PRICKLE2: variants seen among roughly 807,000 people sequenced by gnomAD.
The protein encoded by PRICKLE2 is prickle-like protein 2.
Under a neutral mutation model 81.4 loss-of-function variants are expected in PRICKLE2, and 21 were observed. That is an observed-to-expected ratio of 0.26 (90% CI 0.18 to 0.37). PRICKLE2 has a LOEUF of 0.37. Ranked by LOEUF, PRICKLE2 falls within the 10% of genes least tolerant of loss-of-function variation. The probability of loss-of-function intolerance (pLI) is 1.00; values close to 1 mark genes in which losing one functional copy is unlikely to be tolerated. For missense variants in PRICKLE2, 940 were observed against 1,109.0 expected (o/e 0.85, Z 2.16); for synonymous variants, 456 against 421.5 (o/e 1.08, Z -1.00).
At chr3:64,234,350 T>C (rs906286668) in intron 2 of PRICKLE2, among the ~76,000 whole-genome samples, 2 of 152,194 alleles carry the variant, frequency 1.3e-5, no homozygotes, top group African/African-American at 4.8e-5. Flanking sequence ...ATTATAGTCA[T>C]CCTAGTGGGT....
At chr3:64,249,124 T>C (rs138865326) in intron 2 of PRICKLE2, among the ~76,000 whole-genome samples, 2,330 of 152,296 alleles carry the variant, frequency 0.015, 46 homozygotes, top group African/African-American at 0.052. Context: ...AGAGGTTTAA[T>C]TGGCTCTTGG....
chr3:64,110,526 T>C (rs1559513434), intron 7 of PRICKLE2, among the ~76,000 whole-genome samples: 1 of 151,986 alleles, frequency 6.6e-6, no homozygotes, highest in African/African-American at 2.4e-5. Context: ...TAATAATCAC[T>C]AGGAAGGAAA....
chr3:64,243,902 T>C (rs1429326144), intron 2 of PRICKLE2, among the ~76,000 whole-genome samples: 2 of 152,164 alleles, frequency 1.3e-5, no homozygotes, highest in East Asian at 1.9e-4. Context: ...TTTACCCCAA[T>C]AAAATGGTAT....
intron 7 of PRICKLE2, among the ~76,000 whole-genome samples, chr3:64,108,777 G>A (rs1450944614): frequency 1.3e-5 from 2 of 152,058 alleles, no homozygotes; most frequent in Non-Finnish European, 2.9e-5. Flanking sequence ...TCTACTCCAG[G>A]AAACAAGACC....
intron 1 of PRICKLE2, among the ~76,000 whole-genome samples, chr3:64,203,202 T>G (rs1327608896): frequency 6.6e-6 from 1 of 152,134 alleles, no homozygotes; most frequent in Non-Finnish European, 1.5e-5. Context: ...TGGATCTCGT[T>G]TGCATCTCCA....
At chr3:64,217,658 T>C (rs1165574026) in intron 1 of PRICKLE2, among the ~76,000 whole-genome samples, 1 of 152,128 alleles carries the variant, frequency 6.6e-6, no homozygotes, top group African/African-American at 2.4e-5. Flanking sequence ...GTAAATCTCC[T>C]GGGCCAACTG....
chr3:64,250,571 T>C (rs2079432224), intron 2 of PRICKLE2, among the ~76,000 whole-genome samples: 1 of 152,140 alleles, frequency 6.6e-6, no homozygotes, highest in Non-Finnish European at 1.5e-5. Context: ...TCAGTAGGTG[T>C]TTTTGGTGGA....
chr3:64,208,997 C>T (rs1448093663), intron 1 of PRICKLE2, among the ~76,000 whole-genome samples: 1 of 152,046 alleles, frequency 6.6e-6, no homozygotes, highest in Non-Finnish European at 1.5e-5. Context: ...TCTATCTATT[C>T]ATTCATATCC....
At chr3:64,191,124 T>C (rs1054533778) in intron 2 of PRICKLE2, among the ~76,000 whole-genome samples, 1 of 152,162 alleles carries the variant, frequency 6.6e-6, no homozygotes, top group Non-Finnish European at 1.5e-5. Context: ...GGTTCCCATA[T>C]TGGCAGAATT....
In PRICKLE2 at chr3:64,244,777, C is replaced by T. The variant is rs142017940; in HGVS notation, c.129-45810G>A. On this transcript the variant is annotated intron_variant, in intron 2 of 8. Coordinates refer to the PRICKLE2 transcript ENST00000295902. ...ACCAACATATAGCAGAAATATAGCACGGTAATTGGGTCAAGTGGCTCATGG... is the reference window on the plus strand; with the variant it reads ...ACCAACATATAGCAGAAATATAGCATGGTAATTGGGTCAAGTGGCTCATGG... 1.8e-3 allele frequency among the ~76,000 whole-genome samples: 279 copies of T among 152,140 alleles called. 1 individual carries two copies. Among genetic ancestry groups the T allele is most frequent in the African/African-American group, 6.3e-3 (261 of 41,516 alleles).
At chr3:64,150,889 C>T (rs929745180) in intron 6 of PRICKLE2, among the ~76,000 whole-genome samples, 12 of 152,198 alleles carry the variant, frequency 7.9e-5, no homozygotes, top group Non-Finnish European at 1.3e-4. Flanking sequence ...CGATAAACAT[C>T]GATGTCAGAT....
intron 7 of PRICKLE2, among the ~76,000 whole-genome samples, chr3:64,127,340 GTCCACGGTCAC>G (rs1359503415): frequency 6.6e-6 from 1 of 152,060 alleles, no homozygotes; most frequent in Non-Finnish European, 1.5e-5. Flanking sequence ...TACCACCTTT[GTCCACGGTCAC>G]TCTCCCTCCT....
intron 7 of PRICKLE2, among the ~76,000 whole-genome samples, chr3:64,132,076 T>A (rs1226501118): frequency 6.6e-6 from 1 of 152,240 alleles, no homozygotes; most frequent in African/African-American, 2.4e-5. Flanking sequence ...GATAACCTTC[T>A]TCCTTGCCAA....
chr3:64,098,089 C>T lies in PRICKLE2; in HGVS notation c.*962G>A, dbSNP rs190325750. Reference sequence around the variant, plus strand: ...AATCCAGGAAACATGAGCACCAGAACATAATGCCACATTCAAAACAACGTC... The same window carrying T: ...AATCCAGGAAACATGAGCACCAGAATATAATGCCACATTCAAAACAACGTC... On this transcript the variant is annotated 3_prime_UTR_variant, in exon 8 of 8. Coordinates refer to ENST00000638394, the MANE Select transcript of PRICKLE2 (RefSeq NM_198859.4). The T allele has an allele frequency of 2.0e-5, 3 of 152,804 alleles. No individual in the cohort carries two copies. The highest frequency in any genetic ancestry group is 2.9e-5 in the Non-Finnish European group (2 of 68,054). The allele number at this position is 152,804 out of a possible 1,614,324, so 9.5% of individuals were successfully genotyped here.
intron 2 of PRICKLE2, among the ~76,000 whole-genome samples, chr3:64,240,452 G>C (rs1014799322): frequency 6.6e-6 from 1 of 152,184 alleles, no homozygotes; most frequent in Non-Finnish European, 1.5e-5. Context: ...TGGAGCCCAA[G>C]GGATACTCTT....
chr3:64,147,803 G>T lies in PRICKLE2; in HGVS notation c.788-101C>A. ...CTTGGTTTGTCTCAGGATTCCAGGT[G>T]CGGCAGGATAAACTGTCAATAAATC... On this transcript the variant is annotated intron_variant, in intron 6 of 7. Coordinates refer to ENST00000638394, the MANE Select transcript of PRICKLE2 (RefSeq NM_198859.4). The surrounding 1 kb of genome is among the most constrained non-coding windows in gnomAD (Gnocchi z 5.0). The T allele has an allele frequency of 1.6e-6, 2 of 1,274,850 alleles. No individual in the cohort carries two copies. The highest frequency in any genetic ancestry group is 1.1e-6 in the Non-Finnish European group (1 of 879,262). 79.0% of individuals were successfully genotyped at this position (1,274,850 alleles called of 1,614,324 possible).
At chr3:64,233,809 C>T (rs2079140774) in intron 2 of PRICKLE2, among the ~76,000 whole-genome samples, 2 of 152,168 alleles carry the variant, frequency 1.3e-5, no homozygotes, top group Non-Finnish European at 2.9e-5. Flanking sequence ...AAAAGAAACC[C>T]TCTAGTAAGC....
rs138245052 is a variant in PRICKLE2, at chr3:64,140,810, C to T, written c.1660+6020G>A. Among the ~76,000 whole-genome samples, 14 of 152,246 alleles carry T rather than the reference C, an allele frequency of 9.2e-5. No individual in the cohort carries two copies. In the East Asian group the frequency reaches 1.5e-3, roughly 17 times the overall value. On this transcript the variant is annotated intron_variant, in intron 7 of 7. Coordinates refer to ENST00000638394, the MANE Select transcript of PRICKLE2 (RefSeq NM_198859.4). ...GACTTCTGGCATTCACAGCTGTGCT[C>T]GCATGCTTCTCTTTAGCATTGGCAA...
chr3:64,153,085 G>T, intron 6 of PRICKLE2, 97 bp downstream of exon 6: 1 of 1,170,766 alleles, frequency 8.5e-7, no homozygotes, highest in Non-Finnish European at 1.3e-6. Context: ...CATGAGTTGG[G>T]TTTCTAACAC....
Sources: allele counts gnomAD v4.1 joint callset (sites outside exome capture counted in the v4.1 genomes callset), GRCh38; gene constraint gnomAD v4.1.1; non-coding constraint Gnocchi (gnomAD v3.1); transcripts MANE v1.5; gene names NCBI Gene and HGNC (gene_info 2026-07-23, HGNC 2026-07-21).